MTX1: variants seen among roughly 807,000 people sequenced by gnomAD.
The protein encoded by MTX1 is metaxin-1.
Under a neutral mutation model 39.4 loss-of-function variants are expected in MTX1, and 20 were observed. The observed-to-expected ratio is 0.51, with a 90% CI of 0.36 to 0.74. MTX1 has a LOEUF of 0.74. MTX1 is among the 30% of genes least tolerant of loss of function. The pLI is 0.00. For synonymous variants in MTX1, 209 were observed against 198.6 expected (o/e 1.05, Z -0.44); for missense variants, 481 against 485.9 (o/e 0.99, Z 0.10).
At position 155,209,111 on chromosome 1, in the gene MTX1, G is replaced by T; in HGVS notation, c.307G>T (p.Ala103Ser). The change falls in exon 1 of 8, where the codon GCC (alanine) becomes TCC (serine). Residue 103 changes from alanine to serine, a missense_variant. Transcript: ENST00000368376. ...PVPRSSAASR[A>S]RRSLASPGIS... The stretch of plus-strand genomic sequence containing the variant: ...CCCCCGCAGTTCAGCTGCCAGTCGG[G>T]CCAGAAGAAGCCTCGCCTCCCCGGG... 6.5e-7 allele frequency: 1 copy of T among 1,542,762 alleles called. No homozygotes were observed. The highest frequency in any genetic ancestry group is 8.7e-7 in the Non-Finnish European group (1 of 1,143,346).
At chr1:155,210,167 G>C (rs192406934) in intron 1 of MTX1, among the ~76,000 whole-genome samples, 179 bp from the exon 2 acceptor site, 4 of 152,332 alleles carry the variant, frequency 2.6e-5, no homozygotes, top group African/African-American at 9.6e-5. Context: ...GAATCTCTCT[G>C]AGCCCTGTGT....
intron 1 of MTX1, among the ~76,000 whole-genome samples, chr1:155,209,973 A>C (rs373804822): frequency 1.1e-4 from 16 of 152,356 alleles, no homozygotes; most frequent in African/African-American, 3.8e-4. Context: ...TAAAATATTC[A>C]CATATAAGTT....
At chr1:155,210,436 G>T (rs748804769) in intron 2 of MTX1, 21 bp downstream of exon 2, 6 of 1,612,228 alleles carry the variant, frequency 3.7e-6, no homozygotes, top group East Asian at 4.5e-5. Context: ...TCCCTTGGGG[G>T]TAAGGAAGGG....
In MTX1 at chr1:155,209,078, G is replaced by C. The variant is rs1323287286; in HGVS notation, c.274G>C (p.Gly92Arg). Reference sequence around the variant, plus strand: ...GCGGCCGCCCTCCCCCGAGGCCCGCGGCCCAGTCCCCCGCAGTTCAGCTGC... The same window carrying C: ...GCGGCCGCCCTCCCCCGAGGCCCGCCGCCCAGTCCCCCGCAGTTCAGCTGC... ...GRRPPSPEAR[G>R]PVPRSSAASR... Residue 92 changes from glycine to arginine, a missense_variant, in exon 1 of 8, where the codon GGC becomes CGC. Around this residue, in one of 2 missense-constraint regions of MTX1, gnomAD observed 368 missense variants for 332.8 expected, o/e 1.11. Coordinates refer to ENST00000368376, the MANE Select transcript of MTX1 (RefSeq NM_002455.5). 6.5e-7 allele frequency: 1 copy of C among 1,539,342 alleles called. No homozygotes were observed. Among genetic ancestry groups the C allele is most frequent in the South Asian group, 1.2e-5 (1 of 83,312 alleles).
intron 4 of MTX1, 56 bp from the exon 5 acceptor site, chr1:155,212,329 A>T: frequency 1.9e-6 from 3 of 1,606,198 alleles, no homozygotes; most frequent in Non-Finnish European, 8.5e-7. Context: ...CCCACCTTGA[A>T]TCAGACAGGT....
At chr1:155,211,272 AAG>A (rs1352147578) in intron 3 of MTX1, 2 of 152,748 alleles carry the variant, frequency 1.3e-5, no homozygotes, top group African/African-American at 2.4e-5. Flanking sequence ...GAGGCCTGGA[AAG>A]AGAGGATCCA....
At chr1:155,212,005 C>T in intron 3 of MTX1, 122 bp from the exon 4 acceptor site, 1 of 848,784 alleles carries the variant, frequency 1.2e-6, no homozygotes, top group African/African-American at 1.7e-5. Context: ...AGGAAAAGTT[C>T]CTTGCTGTAC....
At chr1:155,209,433 G>T in intron 1 of MTX1, 101 bp downstream of exon 1, 1 of 1,254,556 alleles carries the variant, frequency 8.0e-7, no homozygotes, top group Admixed American at 3.6e-5. Context: ...CAGCACGGGC[G>T]CAGTGGGGGA....
intron 2 of MTX1, 21 bp from the exon 3 acceptor site, chr1:155,210,527 A>T (rs373988807): frequency 1.2e-6 from 2 of 1,613,340 alleles, no homozygotes; most frequent in Non-Finnish European, 8.5e-7. Flanking sequence ...TCTGGTTGGT[A>T]TACTTCCCTC....
intron 3 of MTX1, chr1:155,211,917 G>C: frequency 2.3e-6 from 1 of 442,698 alleles, no homozygotes; most frequent in Non-Finnish European, 4.0e-6. Context: ...GGACCTTCAC[G>C]GCCAGGAGGC....
At position 155,212,451 on chromosome 1, in the gene MTX1, A is replaced by G. The variant is rs1177141864; in HGVS notation, c.838A>G (p.Met280Val). ...GACCCGGAAGTGGTATGCAGAGGCT[A>G]TGCCCTTTCCCCTCAACTTCTTCCT... is the stretch of plus-strand genomic sequence containing the variant. ...EVTRKWYAEA[M>V]PFPLNFFLPG... is the part of the protein sequence containing the mutation. Residue 280 changes from methionine to valine, a missense_variant, in exon 5 of 8, where the codon ATG (methionine) becomes GTG (valine). Coordinates refer to ENST00000368376, the MANE Select transcript of MTX1 (RefSeq NM_002455.5). The G allele has an allele frequency of 1.9e-6, 3 of 1,614,008 alleles. No homozygotes were observed. Among genetic ancestry groups the G allele is most frequent in the African/African-American group, 1.3e-5 (1 of 74,918 alleles).
chr1:155,212,454 C>G lies in MTX1; in HGVS notation c.841C>G (p.Pro281Ala). The change falls in exon 5 of 8, where the codon CCC becomes GCC. Residue 281 changes from proline (P) to alanine (A), a missense_variant. This residue lies in a region of MTX1 where 113 missense variants were observed against 153.2 expected (regional missense o/e 0.74). Transcript: ENST00000368376. ...VTRKWYAEAM[P>A]FPLNFFLPGR... ...CCGGAAGTGGTATGCAGAGGCTATG[C>G]CCTTTCCCCTCAACTTCTTCCTGCC... 1 of 1,614,142 alleles carries G rather than the reference C, an allele frequency of 6.2e-7. No homozygotes were observed. Among genetic ancestry groups the G allele is most frequent in the Non-Finnish European group, 8.5e-7 (1 of 1,179,978 alleles).
rs910139946 is a variant in MTX1 at position 155,212,277 on chromosome 1, A to G, written c.771+58A>G. ...CCAGCCGGGGAGGGTTCGGGAACAC[A>G]CAGACCCACACACAGGCTCAGGAAA... On this transcript the variant is annotated intron_variant, in intron 4 of 7. Transcript: ENST00000368376. The G allele has an allele frequency of 2.2e-4, 356 of 1,593,950 alleles. 2 individuals are homozygous for G. The highest frequency in any genetic ancestry group is 2.3e-4 in the Non-Finnish European group (264 of 1,168,048).
chr1:155,213,010 G>T (rs569345033), intron 6 of MTX1, among the ~76,000 whole-genome samples: 1 of 151,998 alleles, frequency 6.6e-6, no homozygotes, highest in African/African-American at 2.4e-5. Context: ...GTGGGGCACT[G>T]AATGTGCCCT....
chr1:155,212,294 C>CT (rs1671156593), intron 4 of MTX1, 75 bp downstream of exon 4: 1 of 1,595,232 alleles, frequency 6.3e-7, no homozygotes, highest in South Asian at 1.1e-5. Context: ...CACACACAGG[C>CT]TCAGGAAAGC....
At chr1:155,212,920 G>T in intron 6 of MTX1, 150 bp downstream of exon 6, 1 of 1,400,210 alleles carries the variant, frequency 7.1e-7, no homozygotes, top group Non-Finnish European at 9.6e-7. Flanking sequence ...CAGTGTGACT[G>T]TGTGGGGGCC....
In MTX1 at chr1:155,208,996, G is replaced by C. The variant is rs752653129; in HGVS notation, c.192G>C (p.Pro64=). Residue 64 remains proline, a synonymous_variant, in exon 1 of 8, where the codon CCG becomes CCC. Transcript: ENST00000368376. ...CTTGGACGAGGCGCCGTGACTCTCCGAGGCGCGCCGGGCCGACAGCGCTGT... is the reference window on the plus strand; with the variant it reads ...CTTGGACGAGGCGCCGTGACTCTCCCAGGCGCGCCGGGCCGACAGCGCTGT... The part of the protein sequence containing the change: ...GSTWTRRRDS[P]RRAGPTALSR... 20 of 1,597,388 alleles carry C rather than the reference G, an allele frequency of 1.3e-5. No individual in the cohort carries two copies. The South Asian group carries it at 2.1e-4, about 17-fold the overall frequency.
chr1:155,210,802 G>C (rs543179178), intron 3 of MTX1, 175 bp downstream of exon 3: 1 of 641,368 alleles, frequency 1.6e-6, no homozygotes, highest in African/African-American at 1.8e-5. Context: ...TATTAAAGCA[G>C]TCGGCAAGAG....
At chr1:155,211,860 C>T (rs1408500837) in intron 3 of MTX1, 6 of 325,900 alleles carry the variant, frequency 1.8e-5, no homozygotes, top group Admixed American at 4.5e-5. Context: ...CTGGGAGCTG[C>T]TCCTAGTTTG....
Sources: gnomAD v4.1 joint callset for allele counts (sites outside exome capture counted in the v4.1 genomes callset) on GRCh38, gnomAD v4.1.1 for gene constraint, gnomAD v4.1.1 regional missense constraint, MANE v1.5 for transcripts, NCBI Gene and HGNC (gene_info 2026-07-23, HGNC 2026-07-21) for gene names.